LRBA: variants seen among roughly 807,000 people sequenced by gnomAD.
LRBA encodes lipopolysaccharide-responsive and beige-like anchor protein.
In LRBA, 176 loss-of-function variants were observed where a neutral mutation model predicts 330.0. The ratio of observed to expected loss-of-function variants is 0.53; its 90% CI spans 0.47 to 0.60. LRBA has a LOEUF of 0.60. Ranked by LOEUF, LRBA falls within the 20% of genes least tolerant of loss-of-function variation. The pLI, the probability that LRBA is intolerant of heterozygous loss-of-function variation, is 0.00. For missense variants in LRBA, 3,259 were observed against 3,444.8 expected (o/e 0.95, Z 1.35); for synonymous variants, 1,230 against 1,193.0 (o/e 1.03, Z -0.64).
intron 46 of LRBA, among the ~76,000 whole-genome samples, chr4:150,417,210 CAT>C (rs900417324): frequency 1.3e-5 from 2 of 151,650 alleles, no homozygotes. Flanking sequence ...ATATATCTTT[CAT>C]ATATATATAT....
At chr4:150,776,550 A>G (rs1416203020) in intron 34 of LRBA, among the ~76,000 whole-genome samples, 1 of 152,198 alleles carries the variant, frequency 6.6e-6, no homozygotes, top group Non-Finnish European at 1.5e-5. Context: ...ACACTGGCTC[A>G]CGCATGTAAT....
chr4:150,320,742 G>A (rs966923783), intron 50 of LRBA, among the ~76,000 whole-genome samples: 11 of 152,146 alleles, frequency 7.2e-5, no homozygotes, highest in Admixed American at 5.9e-4. Context: ...AGGAGTTCAA[G>A]GCTACAGCGA....
At chr4:150,736,651 G>C (rs984489617) in intron 35 of LRBA, among the ~76,000 whole-genome samples, 1 of 152,136 alleles carries the variant, frequency 6.6e-6, no homozygotes, top group Non-Finnish European at 1.5e-5. Context: ...ATAAGAAAGA[G>C]TAGATACATA....
chr4:150,963,420 C>T (rs1227361026), intron 2 of LRBA, among the ~76,000 whole-genome samples: 1 of 149,640 alleles, frequency 6.7e-6, no homozygotes, highest in Non-Finnish European at 1.5e-5. Flanking sequence ...CTCCTGACTG[C>T]GAGTGGTCTG....
chr4:150,983,746 C>G (rs1230309803), intron 2 of LRBA, among the ~76,000 whole-genome samples: 1 of 151,212 alleles, frequency 6.6e-6, no homozygotes, highest in Non-Finnish European at 1.5e-5. Flanking sequence ...TGAGCCACCA[C>G]GCCAGGCTGG....
intron 22 of LRBA, among the ~76,000 whole-genome samples, chr4:150,858,967 T>A (rs1356416245): frequency 1.3e-5 from 2 of 151,800 alleles, no homozygotes; most frequent in Non-Finnish European, 2.9e-5. Context: ...GAGAATTCTT[T>A]AAAAAAAAAT....
intron 40 of LRBA, among the ~76,000 whole-genome samples, chr4:150,557,870 T>C (rs768247072): frequency 9.9e-5 from 15 of 152,102 alleles, no homozygotes; most frequent in Non-Finnish European, 1.9e-4. Flanking sequence ...TTTAGTTATT[T>C]CCTGCTGCTC....
rs72719614 is a variant in LRBA at position 150,787,142 on chromosome 4, A to G, written c.5580+10939T>C. On this transcript the variant is annotated intron_variant, in intron 34 of 56. Coordinates refer to ENST00000651943, the MANE Select transcript of LRBA (RefSeq NM_001364905.1). ...AGCTACTGGGGAGGCTGAGGCGGGA[A>G]GATCACCGCGGAGGTTGCAGGGAGC... 1.6e-3 allele frequency among the ~76,000 whole-genome samples: 243 copies of G among 152,016 alleles called. 1 individual carries two copies. Among genetic ancestry groups the G allele is most frequent in the Admixed American group, 3.6e-3 (55 of 15,268 alleles).
chr4:150,608,386 A>C (rs965212846), intron 37 of LRBA, among the ~76,000 whole-genome samples: 1 of 152,206 alleles, frequency 6.6e-6, no homozygotes, highest in Non-Finnish European at 1.5e-5. Context: ...AGAACAGAAA[A>C]GGATCAGTAA....
chr4:150,968,054 G>C (rs944296677), intron 2 of LRBA, among the ~76,000 whole-genome samples: 5 of 149,436 alleles, frequency 3.3e-5, no homozygotes, highest in Admixed American at 6.7e-5. Context: ...GCCCAGGCTG[G>C]AGAGCAGTGG....
At chr4:150,667,433 T>C (rs6858267) in intron 37 of LRBA, among the ~76,000 whole-genome samples, 133,625 of 152,128 alleles carry the variant, frequency 0.88, 59,538 homozygotes, top group Non-Finnish European at 0.95. Context: ...GGAGATGCTA[T>C]GCTGCTAGTT....
At chr4:150,639,747 A>ATGTG (rs1433812622) in intron 37 of LRBA, among the ~76,000 whole-genome samples, 70 of 2,156 alleles carry the variant, frequency 0.032, 1 homozygote, top group African/African-American at 0.07. Context: ...ATATATATAT[A>ATGTG]TATATATATA....
At chr4:150,966,010 G>C (rs1417712253) in intron 2 of LRBA, among the ~76,000 whole-genome samples, 1 of 152,096 alleles carries the variant, frequency 6.6e-6, no homozygotes, top group Non-Finnish European at 1.5e-5. Flanking sequence ...TGACAGACCA[G>C]AAACAATACC....
chr4:150,276,658 A>G (rs1362899605), intron 56 of LRBA, among the ~76,000 whole-genome samples: 1 of 152,260 alleles, frequency 6.6e-6, no homozygotes, highest in Non-Finnish European at 1.5e-5. Context: ...TACGCAGCCA[A>G]CAAACATATG....
At chr4:150,462,951 A>G (rs771892847) in intron 44 of LRBA, among the ~76,000 whole-genome samples, 2 of 151,934 alleles carry the variant, frequency 1.3e-5, no homozygotes, top group East Asian at 1.9e-4. Flanking sequence ...ATGTGTGTAT[A>G]AACAAATATT....
chr4:150,878,875 T>C (rs2127036206), intron 17 of LRBA, among the ~76,000 whole-genome samples: 1 of 152,006 alleles, frequency 6.6e-6, no homozygotes, highest in East Asian at 1.9e-4. Context: ...TTTTTTTTTT[T>C]TTTGGTTACC....
At chr4:150,806,191 C>T in intron 33 of LRBA, 80 bp downstream of exon 33, 1 of 1,093,796 alleles carries the variant, frequency 9.1e-7, no homozygotes, top group Non-Finnish European at 1.3e-6. Context: ...CAATGAAACT[C>T]CATGTTATTT....
At chr4:150,973,465 C>G (rs563422930) in intron 2 of LRBA, among the ~76,000 whole-genome samples, 1 of 152,200 alleles carries the variant, frequency 6.6e-6, no homozygotes, top group African/African-American at 2.4e-5. Flanking sequence ...CCATGCTTGG[C>G]CTAAAATTAA....
intron 2 of LRBA, among the ~76,000 whole-genome samples, chr4:150,982,492 T>A (rs1356893585): frequency 6.6e-6 from 1 of 151,994 alleles, no homozygotes; most frequent in Non-Finnish European, 1.5e-5. Flanking sequence ...AAATATGGGA[T>A]TTAAATACAG....
Sources: gnomAD v4.1 joint callset for allele counts (sites outside exome capture counted in the v4.1 genomes callset) on GRCh38, gnomAD v4.1.1 for gene constraint, MANE v1.5 for transcripts, NCBI Gene and HGNC (gene_info 2026-07-23, HGNC 2026-07-21) for gene names.